ALK: variants seen among roughly 807,000 people sequenced by gnomAD.
The protein encoded by ALK is ALK receptor tyrosine kinase.
In ALK, 74 loss-of-function variants were observed where a neutral mutation model predicts 163.1. The observed-to-expected ratio is 0.45, with a 90% CI of 0.38 to 0.55. The LOEUF (loss-of-function observed/expected upper bound fraction) is 0.55. Ranked by LOEUF, ALK falls within the 20% of genes least tolerant of loss-of-function variation. The pLI is 0.00. For synonymous variants in ALK, 960 were observed against 843.2 expected, an observed-to-expected ratio of 1.14 and a Z score of -2.40; for missense variants, 2,063 against 2,105.3, an observed-to-expected ratio of 0.98 and a Z score of 0.39.
intron 23 of ALK, among the ~76,000 whole-genome samples, chr2:29,215,662 G>GAGTT (rs1199242391): frequency 6.7e-6 from 1 of 149,590 alleles, no homozygotes; most frequent in East Asian, 2.0e-4. Context: ...GGGATCCAAG[G>GAGTT]AGTTAAAATG....
At chr2:29,540,591 T>A (rs867137097) in intron 3 of ALK, among the ~76,000 whole-genome samples, 171 of 140,618 alleles carry the variant, frequency 1.2e-3, no homozygotes, top group East Asian at 3.2e-3. Flanking sequence ...TTTTTTTTTT[T>A]TAAAAAAAAA....
intron 26 of ALK, among the ~76,000 whole-genome samples, chr2:29,205,910 T>G (rs573499638): frequency 1.3e-5 from 2 of 152,310 alleles, no homozygotes; most frequent in South Asian, 4.1e-4. Context: ...TTGGCAGTAC[T>G]GTATCTGTAA....
chr2:29,687,506 C>T (rs574078079), intron 3 of ALK, among the ~76,000 whole-genome samples: 81 of 151,316 alleles, frequency 5.4e-4, no homozygotes, highest in Middle Eastern at 3.4e-3. Context: ...AGAATAGTCT[C>T]GAATGATAAT....
intron 11 of ALK, among the ~76,000 whole-genome samples, chr2:29,270,175 T>C (rs538024706): frequency 6.6e-6 from 1 of 152,380 alleles, no homozygotes; most frequent in Non-Finnish European, 1.5e-5. Context: ...TATTCAATAA[T>C]GGGATTCCTA....
intron 3 of ALK, among the ~76,000 whole-genome samples, chr2:29,654,232 G>C (rs1041331939): frequency 1.5e-4 from 23 of 152,174 alleles, no homozygotes; most frequent in Non-Finnish European, 2.9e-4. Flanking sequence ...GGATGAAACA[G>C]AGTTGGCACT....
chr2:29,629,691 T>C (rs1676301621), intron 3 of ALK, among the ~76,000 whole-genome samples: 1 of 152,198 alleles, frequency 6.6e-6, no homozygotes. Context: ...TGTTACTCAG[T>C]AATGAGTTGC....
chr2:29,512,569 T>C (rs1328888216), intron 4 of ALK, among the ~76,000 whole-genome samples: 1 of 146,574 alleles, frequency 6.8e-6, no homozygotes, highest in Non-Finnish European at 1.5e-5. Flanking sequence ...CTGGAAGCAT[T>C]CCCTTTGAAA....
intron 4 of ALK, among the ~76,000 whole-genome samples, chr2:29,406,696 T>C (rs1669592336): frequency 6.6e-6 from 1 of 151,914 alleles, no homozygotes; most frequent in Non-Finnish European, 1.5e-5. Context: ...GATCAGGAGA[T>C]CGAGACCATC....
intron 9 of ALK, among the ~76,000 whole-genome samples, chr2:29,285,718 A>C (rs2148222647): frequency 6.6e-6 from 1 of 152,006 alleles, no homozygotes; most frequent in South Asian, 2.1e-4. Context: ...GCATGCCACC[A>C]TGTCCAGTTA....
intron 1 of ALK, among the ~76,000 whole-genome samples, chr2:29,782,213 C>A (rs1462306353): frequency 6.6e-6 from 1 of 152,128 alleles, no homozygotes; most frequent in African/African-American, 2.4e-5. Context: ...GCCTTGCCTG[C>A]CCTGAGATTA....
intron 1 of ALK, among the ~76,000 whole-genome samples, chr2:29,785,952 C>CACAT (rs1664004903): frequency 1.2e-5 from 1 of 82,372 alleles, no homozygotes; most frequent in African/African-American, 4.5e-5. Flanking sequence ...CACACACACA[C>CACAT]ACACACATTA....
intron 4 of ALK, among the ~76,000 whole-genome samples, chr2:29,440,983 T>C (rs113238754): frequency 7.2e-5 from 11 of 152,216 alleles, no homozygotes; most frequent in Non-Finnish European, 1.5e-4. Flanking sequence ...CTCCAGGCTC[T>C]GGCTGGCCAA....
chr2:29,654,591 T>G (rs373619641), intron 3 of ALK, among the ~76,000 whole-genome samples: 2 of 152,142 alleles, frequency 1.3e-5, no homozygotes, highest in African/African-American at 4.8e-5. Flanking sequence ...AGAAAAGTGA[T>G]GTTATGAGTC....
intron 1 of ALK, among the ~76,000 whole-genome samples, chr2:29,826,146 T>TGG (rs1665192566): frequency 6.6e-6 from 1 of 152,148 alleles, no homozygotes; most frequent in South Asian, 2.1e-4. Flanking sequence ...TGCCATGGCC[T>TGG]GCTATTCTGT....
At chr2:29,622,230 TA>T (rs1301080322) in intron 3 of ALK, among the ~76,000 whole-genome samples, 1 of 152,016 alleles carries the variant, frequency 6.6e-6, no homozygotes, top group Non-Finnish European at 1.5e-5. Context: ...AACCAACAAA[TA>T]AAAAGCAGTG....
At chr2:29,271,860 A>G (rs947506568) in intron 11 of ALK, among the ~76,000 whole-genome samples, 21 of 152,250 alleles carry the variant, frequency 1.4e-4, no homozygotes, top group East Asian at 1.9e-4. Flanking sequence ...TGTGGTTTTG[A>G]TGCCAAGGCT....
intron 4 of ALK, among the ~76,000 whole-genome samples, chr2:29,456,531 G>A (rs1670957940): frequency 6.6e-6 from 1 of 152,132 alleles, no homozygotes; most frequent in Non-Finnish European, 1.5e-5. Flanking sequence ...GAGATAGAAA[G>A]TAGAATGCTG....
chr2:29,752,261 A>G (rs989238273), intron 1 of ALK, among the ~76,000 whole-genome samples: 9 of 152,000 alleles, frequency 5.9e-5, no homozygotes, highest in African/African-American at 2.2e-4. Flanking sequence ...AAGTGTTCCG[A>G]GCACGTTTAA....
intron 1 of ALK, among the ~76,000 whole-genome samples, chr2:29,910,539 G>A (rs1465115220): frequency 6.6e-6 from 1 of 151,928 alleles, no homozygotes; most frequent in Non-Finnish European, 1.5e-5. Context: ...ATTACATAAG[G>A]GCACATCATT....
Sources: gnomAD v4.1 joint callset for allele counts (sites outside exome capture counted in the v4.1 genomes callset) on GRCh38, gnomAD v4.1.1 for gene constraint, MANE v1.5 for transcripts, NCBI Gene and HGNC (gene_info 2026-07-23, HGNC 2026-07-21) for gene names.